IRAG2: variants seen among roughly 807,000 people sequenced by gnomAD.
The protein encoded by IRAG2 is inositol 1,4,5-triphosphate receptor associated 2, also known as lymphoid restricted membrane protein.
IRAG2 carries 45 observed loss-of-function variants against 69.9 expected under a neutral mutation model. That is an observed-to-expected ratio of 0.64 (90% CI 0.51 to 0.83). The LOEUF is 0.83. Among genes scored for constraint, IRAG2 ranks in the 40% least tolerant of loss-of-function variants. The pLI, the probability that IRAG2 is intolerant of heterozygous loss-of-function variation, is 0.00. For missense variants in IRAG2, 520 were observed against 587.0 expected (o/e 0.89, Z 1.18); for synonymous variants, 193 against 202.4 (o/e 0.95, Z 0.40).
At chr12:25,056,660 C>T (rs1945275843) in intron 1 of IRAG2, among the ~76,000 whole-genome samples, 1 of 152,168 alleles carries the variant, frequency 6.6e-6, no homozygotes, top group South Asian at 2.1e-4. Flanking sequence ...GTTTCTATAA[C>T]ATGAATCATC....
rs761816093 is a variant in IRAG2 at position 25,104,391 on chromosome 12, C to T, written c.1077C>T (p.His359=). 9.9e-6 allele frequency: 16 copies of T among 1,613,000 alleles called. No homozygotes were observed. In the South Asian group the frequency reaches 1.8e-4, roughly 18 times the overall value. ...WRILGSKQSE[H]RPSLPRFIST... is the part of the protein sequence containing the mutation. ...TTTTGGGGTCAAAGCAGAGTGAACACCGTCCCTCATTACCTCGATTTATTA... is the reference window on the plus strand; with the variant it reads ...TTTTGGGGTCAAAGCAGAGTGAACATCGTCCCTCATTACCTCGATTTATTA... The change falls in exon 20 of 22, where the codon CAC becomes CAT. Residue 359 remains histidine, a synonymous_variant. Coordinates refer to ENST00000556887, the MANE Select transcript of IRAG2 (RefSeq NM_001366544.2).
chr12:25,015,076 G>C (rs1944510587), intron 3 of IRAG2: 1 of 394,066 alleles, frequency 2.5e-6, no homozygotes, highest in Non-Finnish European at 3.4e-6. Context: ...GGAAAGTACA[G>C]AGCATAAATC....
chr12:25,036,816 G>A (rs1944705675), intron 15 of IRAG2: 1 of 394,554 alleles, frequency 2.5e-6, no homozygotes, highest in Non-Finnish European at 4.5e-6. Context: ...CATGAGTATA[G>A]ACTGTGTGTC....
chr12:25,069,954 G>A (rs1224785373), intron 6 of IRAG2, among the ~76,000 whole-genome samples: 2 of 152,096 alleles, frequency 1.3e-5, no homozygotes, highest in Non-Finnish European at 2.9e-5. Flanking sequence ...GACCTGAGAA[G>A]GTCACTTAGG....
intron 3 of IRAG2, among the ~76,000 whole-genome samples, 174 bp downstream of exon 3, chr12:25,063,074 C>G (rs1367379386): frequency 6.6e-6 from 1 of 152,204 alleles, no homozygotes; most frequent in Non-Finnish European, 1.5e-5. Context: ...TACACATACA[C>G]ACACACAAAC....
At chr12:25,074,327 C>A (rs907022951) in intron 6 of IRAG2, among the ~76,000 whole-genome samples, 1 of 152,146 alleles carries the variant, frequency 6.6e-6, no homozygotes, top group African/African-American at 2.4e-5. Context: ...ACTAAGAAGG[C>A]CTTTCCTTTC....
chr12:25,077,061 G>T (rs979995699), intron 6 of IRAG2, among the ~76,000 whole-genome samples: 4 of 150,090 alleles, frequency 2.7e-5, no homozygotes, highest in Non-Finnish European at 5.9e-5. Context: ...TAGAGATGGG[G>T]TATTGTCATG....
At chr12:25,026,689 A>ATTT in intron 8 of IRAG2, 1 of 466,928 alleles carries the variant, frequency 2.1e-6, no homozygotes, top group Non-Finnish European at 3.4e-6. Context: ...AAAAGGCAAT[A>ATTT]CTGAGAGTGA....
intron 6 of IRAG2, among the ~76,000 whole-genome samples, chr12:25,018,413 C>T (rs1944550358): frequency 6.6e-6 from 1 of 151,848 alleles, no homozygotes; most frequent in Non-Finnish European, 1.5e-5. Flanking sequence ...GCCATGTTGC[C>T]CAGGTTGGTC....
chr12:25,075,254 TGTTAA>T (rs1450955989), intron 6 of IRAG2, among the ~76,000 whole-genome samples: 9 of 152,332 alleles, frequency 5.9e-5, no homozygotes, highest in East Asian at 1.9e-4. Context: ...ATAGACTCTT[TGTTAA>T]GTTATTTTTT....
intron 15 of IRAG2, among the ~76,000 whole-genome samples, chr12:25,100,205 T>A (rs1948677469): frequency 6.6e-6 from 1 of 151,250 alleles, no homozygotes; most frequent in Non-Finnish European, 1.5e-5. Flanking sequence ...GTAAGGAAGT[T>A]GGAAAGGAAG....
chr12:25,104,517 G>T, intron 20 of IRAG2, 55 bp downstream of exon 20: 1 of 946,142 alleles, frequency 1.1e-6, no homozygotes, highest in South Asian at 1.3e-5. Flanking sequence ...CATAAACAAT[G>T]GGAATCACTT....
At chr12:25,099,642 T>A (rs1376545423) in intron 15 of IRAG2, among the ~76,000 whole-genome samples, 1 of 152,128 alleles carries the variant, frequency 6.6e-6, no homozygotes. Context: ...TTGTGTTACT[T>A]TTTGGTTCAG....
upstream of IRAG2, among the ~76,000 whole-genome samples, chr12:24,999,550 A>C (rs182120881): frequency 6.6e-6 from 1 of 152,326 alleles, no homozygotes; most frequent in Admixed American, 6.5e-5. Flanking sequence ...CTCTAACATC[A>C]TTTTACATTA....
At chr12:25,029,664 T>A (rs2139845760) in intron 9 of IRAG2, among the ~76,000 whole-genome samples, 1 of 140,330 alleles carries the variant, frequency 7.1e-6, no homozygotes, top group East Asian at 2.3e-4. Context: ...ATTGTTACAA[T>A]ATGTTTTTTT....
intron 13 of IRAG2, among the ~76,000 whole-genome samples, chr12:25,035,011 A>T (rs1944692832): frequency 6.6e-6 from 1 of 152,234 alleles, no homozygotes; most frequent in African/African-American, 2.4e-5. Flanking sequence ...TGAGATAATA[A>T]TGATGTCAAG....
chr12:25,101,476 G>A (rs1000615356), intron 16 of IRAG2, 151 bp downstream of exon 16: 2 of 596,686 alleles, frequency 3.4e-6, no homozygotes, highest in Middle Eastern at 4.8e-4. Context: ...ATAGCTAAAA[G>A]TGAGGTGTCA....
At chr12:24,997,747 C>T in the IRAG2 span, among the ~76,000 whole-genome samples, 1 of 152,154 alleles carries the variant, frequency 6.6e-6, no homozygotes, top group African/African-American at 2.4e-5. Context: ...GTGTCTCAAC[C>T]TCAAAATGCT....
At chr12:25,006,702 A>G (rs1372323889) in intron 2 of IRAG2, among the ~76,000 whole-genome samples, 1 of 152,180 alleles carries the variant, frequency 6.6e-6, no homozygotes, top group African/African-American at 2.4e-5. Context: ...GATGGGAACA[A>G]TAGGTATGGG....
Sources: gnomAD v4.1 joint callset for allele counts (sites outside exome capture counted in the v4.1 genomes callset) on GRCh38, gnomAD v4.1.1 for gene constraint, MANE v1.5 for transcripts, NCBI Gene and HGNC (gene_info 2026-07-23, HGNC 2026-07-21) for gene names.